Variants in SCP2 observed in about 807,000 individuals in gnomAD.
SCP2 encodes sterol carrier protein 2.
A neutral mutation model predicts 71.4 loss-of-function variants in SCP2; 48 were observed. That is an observed-to-expected ratio of 0.67 (90% CI 0.53 to 0.86). The LOEUF is 0.86. Ranked by LOEUF, SCP2 falls within the 40% of genes least tolerant of loss-of-function variation. The probability of loss-of-function intolerance (pLI) is 0.00; values close to 1 mark genes in which losing one functional copy is unlikely to be tolerated. For synonymous variants in SCP2, 220 were observed against 218.1 expected, an observed-to-expected ratio of 1.01 and a Z score of -0.08; for missense variants, 560 against 655.6, an observed-to-expected ratio of 0.85 and a Z score of 1.59.
At chr1:52,929,534 C>T (rs1652935407) in intron 1 of SCP2, among the ~76,000 whole-genome samples, 1 of 152,132 alleles carries the variant, frequency 6.6e-6, no homozygotes, top group African/African-American at 2.4e-5. Context: ...CAACCTCTGC[C>T]TCCCAGGTTC....
At chr1:52,995,979 A>G in intron 11 of SCP2, 1 of 1,411,782 alleles carries the variant, frequency 7.1e-7, no homozygotes, top group South Asian at 2.0e-5. Context: ...GGATGCCACC[A>G]CAGAAGAGGA....
intron 11 of SCP2, chr1:52,993,140 G>T: frequency 6.4e-7 from 1 of 1,552,632 alleles, no homozygotes; most frequent in Non-Finnish European, 8.9e-7. Context: ...AAACTGAGGA[G>T]AGGAAGAGAA....
intron 14 of SCP2, among the ~76,000 whole-genome samples, chr1:53,041,996 A>G (rs2150268533): frequency 6.6e-6 from 1 of 152,294 alleles, no homozygotes; most frequent in Non-Finnish European, 1.5e-5. Flanking sequence ...GTTAACGTGC[A>G]CGGTTGAATA....
At chr1:53,017,158 A>G (rs1480085620) in intron 12 of SCP2, among the ~76,000 whole-genome samples, 6 of 152,234 alleles carry the variant, frequency 3.9e-5, no homozygotes, top group Non-Finnish European at 1.5e-5. Flanking sequence ...ATTCTGTTAA[A>G]TAAAACCCCC....
chr1:53,029,163 G>C (rs1662345838), intron 13 of SCP2, among the ~76,000 whole-genome samples: 2 of 151,912 alleles, frequency 1.3e-5, no homozygotes, highest in Non-Finnish European at 2.9e-5. Context: ...ATCATACTAA[G>C]GCAATCTAAA....
chr1:53,010,597 G>C (rs1296851910), intron 11 of SCP2, among the ~76,000 whole-genome samples: 1 of 152,124 alleles, frequency 6.6e-6, no homozygotes, highest in Admixed American at 6.6e-5. Context: ...TTGGACACAT[G>C]GTGGGGAACA....
intron 14 of SCP2, among the ~76,000 whole-genome samples, chr1:53,045,872 C>T (rs1663776435): frequency 6.6e-6 from 1 of 152,114 alleles, no homozygotes; most frequent in Admixed American, 6.5e-5. Context: ...CCCCTCAGGC[C>T]CTTTTAGCCA....
intron 13 of SCP2, among the ~76,000 whole-genome samples, chr1:53,036,664 T>TA (rs143291867): frequency 0.098 from 14,769 of 150,970 alleles, 1,439 homozygotes; most frequent in African/African-American, 0.22. Context: ...TACATATATA[T>TA]ATAATCTTTT....
At chr1:52,971,301 C>T (rs964466093) in intron 6 of SCP2, among the ~76,000 whole-genome samples, 6 of 152,104 alleles carry the variant, frequency 3.9e-5, no homozygotes, top group Non-Finnish European at 8.8e-5. Flanking sequence ...ACGTGGCCTC[C>T]ATTTTTCCTC....
chr1:52,960,742 G>GTGTGTATA (rs1261130450), intron 5 of SCP2, among the ~76,000 whole-genome samples: 1 of 149,140 alleles, frequency 6.7e-6, no homozygotes, highest in African/African-American at 2.5e-5. Context: ...GTGTGTGTGT[G>GTGTGTATA]TATATTTATT....
chr1:52,991,822 A>C (rs1204760054), intron 11 of SCP2, among the ~76,000 whole-genome samples: 2 of 152,068 alleles, frequency 1.3e-5, no homozygotes, highest in African/African-American at 2.4e-5. Context: ...ACCTGAAGCT[A>C]TACAAGGGTA....
chr1:52,998,783 A>T (rs1660114876), intron 11 of SCP2, among the ~76,000 whole-genome samples: 2 of 152,156 alleles, frequency 1.3e-5, no homozygotes, highest in South Asian at 4.2e-4. Flanking sequence ...AGAGTATGAG[A>T]CTGCCTCTTT....
At chr1:52,946,993 G>A (rs1468730359) in intron 2 of SCP2, among the ~76,000 whole-genome samples, 4 of 150,698 alleles carry the variant, frequency 2.7e-5, no homozygotes, top group African/African-American at 7.3e-5. Context: ...CCTGGGAGGT[G>A]GAGGTTGCAG....
At chr1:52,950,505 T>G (rs1288483723) in intron 3 of SCP2, among the ~76,000 whole-genome samples, 1 of 152,236 alleles carries the variant, frequency 6.6e-6, no homozygotes, top group African/African-American at 2.4e-5. Context: ...TGGAACTGTT[T>G]TCTATTAACT....
intron 9 of SCP2, 80 bp from the exon 10 acceptor site, chr1:52,980,316 T>C (rs762813143): frequency 1.2e-5 from 15 of 1,293,588 alleles, no homozygotes; most frequent in Non-Finnish European, 1.5e-5. Context: ...GTTAAGGTTA[T>C]GCATCTATTA....
chr1:52,955,171 T>G (rs72897397), intron 5 of SCP2, among the ~76,000 whole-genome samples: 4,735 of 152,272 alleles, frequency 0.031, 250 homozygotes, highest in African/African-American at 0.11. Flanking sequence ...TGATAACAAC[T>G]AAAATATTTG....
At chr1:52,969,828 CAAACA>C (rs1467353110) in intron 6 of SCP2, among the ~76,000 whole-genome samples, 1 of 150,898 alleles carries the variant, frequency 6.6e-6, no homozygotes, top group African/African-American at 2.4e-5. Flanking sequence ...CTCAAACAAA[CAAACA>C]AACAAACAAA....
chr1:52,959,476 G>A (rs992091815), intron 5 of SCP2, among the ~76,000 whole-genome samples: 4 of 152,034 alleles, frequency 2.6e-5, no homozygotes, highest in African/African-American at 9.7e-5. Context: ...ACAGGCATGA[G>A]CCACCGCGCC....
chr1:52,927,569 G>A (rs1292803982), intron 1 of SCP2, 104 bp downstream of exon 1: 4 of 863,324 alleles, frequency 4.6e-6, no homozygotes, highest in South Asian at 4.3e-5. Context: ...TCCGCGCGTG[G>A]GTCATCGGCG....
Sources: allele counts gnomAD v4.1 joint callset (sites outside exome capture counted in the v4.1 genomes callset), GRCh38; gene constraint gnomAD v4.1.1; transcripts MANE v1.5; gene names NCBI Gene and HGNC (gene_info 2026-07-23, HGNC 2026-07-21).